RYR2: variants seen among roughly 807,000 people sequenced by gnomAD.
RYR2 encodes the protein ryanodine receptor 2, also known as cardiac muscle ryanodine receptor-calcium release channel.
In RYR2, 227 loss-of-function variants were observed where a neutral mutation model predicts 601.1. The ratio of observed to expected loss-of-function variants is 0.38; its 90% CI spans 0.34 to 0.42. The LOEUF (loss-of-function observed/expected upper bound fraction) is 0.42. RYR2 is among the 10% of genes least tolerant of loss of function. The probability of loss-of-function intolerance (pLI) is 1.00; values close to 1 mark genes in which losing one functional copy is unlikely to be tolerated. For missense variants in RYR2, 4,646 were observed against 6,156.5 expected, an observed-to-expected ratio of 0.75 and a Z score of 8.21; for synonymous variants, 2,223 against 2,175.1, an observed-to-expected ratio of 1.02 and a Z score of -0.61.
intron 80 of RYR2, among the ~76,000 whole-genome samples, chr1:237,754,209 A>G (rs1175508483): frequency 6.6e-6 from 1 of 151,804 alleles, no homozygotes; most frequent in African/African-American, 2.4e-5. Flanking sequence ...TGATTATTAA[A>G]ATTTAGATGC....
chr1:237,096,246 A>G (rs1667494800), intron 1 of RYR2, among the ~76,000 whole-genome samples: 1 of 152,224 alleles, frequency 6.6e-6, no homozygotes, highest in African/African-American at 2.4e-5. Context: ...TCCAATTGCC[A>G]GTCTGGGAAA....
chr1:237,134,088 A>C (rs771016734), intron 1 of RYR2, among the ~76,000 whole-genome samples: 3 of 152,138 alleles, frequency 2.0e-5, no homozygotes, highest in Admixed American at 2.0e-4. Flanking sequence ...TTCACCGCTG[A>C]TCTGACTGAT....
chr1:237,316,293 C>A (rs537488964), intron 2 of RYR2, among the ~76,000 whole-genome samples: 14 of 152,238 alleles, frequency 9.2e-5, no homozygotes, highest in African/African-American at 3.4e-4. Flanking sequence ...CACCTTACAG[C>A]ATTTCTTGGC....
chr1:237,165,021 A>C (rs1222853614), intron 1 of RYR2, among the ~76,000 whole-genome samples: 1 of 150,976 alleles, frequency 6.6e-6, no homozygotes, highest in Non-Finnish European at 1.5e-5. Flanking sequence ...TTACCCAGGC[A>C]GGAGTGCAGT....
chr1:237,242,215 T>A (rs199692949), intron 1 of RYR2, among the ~76,000 whole-genome samples: 18,333 of 151,672 alleles, frequency 0.12, 1,221 homozygotes, highest in East Asian at 0.24. Context: ...TGTTTGTTTG[T>A]TTGTTTGTTT....
In RYR2 at chr1:237,503,466, G is replaced by T; in HGVS notation, c.2574G>T (p.Thr858=). ...RDLLGPTVSL[T]QAAFTPIPVD... is the part of the protein sequence containing the mutation. ...TGCTGGGCCCCACAGTTTCCCTGAC[G>T]CAAGCTGCCTTCACACCCATCCCTG... is the stretch of plus-strand genomic sequence containing the variant. Residue 858 remains threonine, a synonymous_variant, in exon 22 of 105, where the codon ACG becomes ACT. Transcript: ENST00000366574. 1 of 1,613,856 alleles carries T rather than the reference G, an allele frequency of 6.2e-7. No homozygotes were observed. The highest frequency in any genetic ancestry group is 2.2e-5 in the East Asian group (1 of 44,862).
intron 91 of RYR2, among the ~76,000 whole-genome samples, chr1:237,786,339 G>C (rs529008063): frequency 6.6e-6 from 1 of 152,348 alleles, no homozygotes; most frequent in African/African-American, 2.4e-5. Flanking sequence ...CTGTTTGTAA[G>C]AGGACTCAGG....
At chr1:237,048,869 GC>G (rs926520409) in intron 1 of RYR2, among the ~76,000 whole-genome samples, 1 of 152,162 alleles carries the variant, frequency 6.6e-6, no homozygotes, top group Non-Finnish European at 1.5e-5. Flanking sequence ...GGATCCTCCT[GC>G]CCACAAGTTT....
chr1:237,757,091 T>C (rs1453762828), intron 81 of RYR2, among the ~76,000 whole-genome samples: 1 of 152,222 alleles, frequency 6.6e-6, no homozygotes, highest in Non-Finnish European at 1.5e-5. Flanking sequence ...TACATTCTGT[T>C]ATTAGGTACC....
Position 237,440,849 on chromosome 1 carries a change from G to T in RYR2, c.1006-470G>T, listed in dbSNP as rs183132732. Reference sequence around the variant, plus strand: ...AATTTTTTTTTGATCCTATGGAGAGGTACCTTATTAGCTTTATTTATGGAT... The same window carrying T: ...AATTTTTTTTTGATCCTATGGAGAGTTACCTTATTAGCTTTATTTATGGAT... On this transcript the variant is annotated intron_variant, in intron 12 of 104. Coordinates refer to ENST00000366574, the MANE Select transcript of RYR2 (RefSeq NM_001035.3). Among the ~76,000 whole-genome samples the T allele has an allele frequency of 1.4e-4, 21 of 151,968 alleles. No individual in the cohort carries two copies. In the East Asian group the frequency reaches 4.1e-3, roughly 30 times the overall value.
At chr1:237,390,850 C>G (rs935766185) in intron 10 of RYR2, among the ~76,000 whole-genome samples, 1 of 152,130 alleles carries the variant, frequency 6.6e-6, no homozygotes, top group African/African-American at 2.4e-5. Flanking sequence ...TTAGACCAGC[C>G]TATCAGGACT....
At chr1:237,548,786 C>G (rs567975716) in intron 26 of RYR2, among the ~76,000 whole-genome samples, 196 bp downstream of exon 26, 9 of 152,296 alleles carry the variant, frequency 5.9e-5, no homozygotes, top group South Asian at 2.1e-4. Context: ...TGATCGTGAA[C>G]ACATGTGAGG....
Position 237,489,581 on chromosome 1 carries a change from C to T in RYR2, c.1709-2225C>T, listed in dbSNP as rs923078272. Among the ~76,000 whole-genome samples, 8 of 152,054 alleles carry T rather than the reference C, an allele frequency of 5.3e-5. No individual in the cohort carries two copies. The East Asian group carries it at 7.7e-4, about 15-fold the overall frequency. ...CTGAGGCAGGAGAGTTGCTTGAACC[C>T]GGGTGGTAGAGGTTGCAGTGAAGTG... On this transcript the variant is annotated intron_variant, in intron 17 of 104. Transcript: ENST00000366574.
At chr1:237,135,369 T>TA (rs1672653605) in intron 1 of RYR2, among the ~76,000 whole-genome samples, 1 of 151,778 alleles carries the variant, frequency 6.6e-6, no homozygotes, top group Non-Finnish European at 1.5e-5. Context: ...GTTTTTTTTT[T>TA]ATTTTTCTTT....
At chr1:237,507,856 T>A (rs926837757) in intron 23 of RYR2, among the ~76,000 whole-genome samples, 1 of 152,246 alleles carries the variant, frequency 6.6e-6, no homozygotes, top group Non-Finnish European at 1.5e-5. Flanking sequence ...ACTGTAAGGC[T>A]TGCTGAAGCA....
chr1:237,368,626 G>T (rs1490399161), intron 5 of RYR2, among the ~76,000 whole-genome samples: 1 of 152,046 alleles, frequency 6.6e-6, no homozygotes, highest in African/African-American at 2.4e-5. Context: ...AGTGGTAAGG[G>T]CCAGGAATCT....
intron 16 of RYR2, among the ~76,000 whole-genome samples, chr1:237,468,835 T>G (rs1660368326): frequency 6.6e-6 from 1 of 152,176 alleles, no homozygotes; most frequent in Admixed American, 6.5e-5. Flanking sequence ...TACTATTACC[T>G]CCCAATGTGA....
intron 63 of RYR2, among the ~76,000 whole-genome samples, chr1:237,694,448 G>C (rs1332952217): frequency 6.6e-6 from 1 of 152,154 alleles, no homozygotes; most frequent in Admixed American, 6.6e-5. Context: ...TTCGTAGCTG[G>C]AGGATCATTG....
chr1:237,695,454 C>G (rs775401088), intron 63 of RYR2, among the ~76,000 whole-genome samples: 13 of 152,118 alleles, frequency 8.5e-5, no homozygotes, highest in Admixed American at 4.6e-4. Context: ...CCTTGAAATA[C>G]TGTGAGTTGA....
Sources: allele counts gnomAD v4.1 joint callset (sites outside exome capture counted in the v4.1 genomes callset), GRCh38; gene constraint gnomAD v4.1.1; transcripts MANE v1.5; gene names NCBI Gene and HGNC (gene_info 2026-07-23, HGNC 2026-07-21).